The following RARB variants were observed in gnomAD, a reference collection of about 807,000 sequenced individuals.
RARB encodes the protein retinoic acid receptor beta.
A neutral mutation model predicts 51.9 loss-of-function variants in RARB; 17 were observed. That is an observed-to-expected ratio of 0.33 (90% CI 0.22 to 0.49). The LOEUF is 0.49. Ranked by LOEUF, RARB falls within the 20% of genes least tolerant of loss-of-function variation. The pLI is 0.99. For missense variants in RARB, 369 were observed against 550.8 expected (o/e 0.67, Z 3.30); for synonymous variants, 215 against 195.4 (o/e 1.10, Z -0.84).
intron 5 of RARB, among the ~76,000 whole-genome samples, chr3:25,318,111 C>A (rs1272346347): frequency 6.6e-6 from 1 of 152,168 alleles, no homozygotes; most frequent in East Asian, 1.9e-4. Flanking sequence ...ATCTAGTACA[C>A]TTTTTAAATT....
At chr3:24,926,549 A>G (rs974606865) in intron 2 of RARB, among the ~76,000 whole-genome samples, 2 of 152,078 alleles carry the variant, frequency 1.3e-5, no homozygotes, top group African/African-American at 2.4e-5. Flanking sequence ...TTGATGACTT[A>G]TGCTATAGCT....
intron 2 of RARB, among the ~76,000 whole-genome samples, chr3:24,899,133 G>C (rs1703542667): frequency 6.6e-6 from 1 of 152,082 alleles, no homozygotes; most frequent in Admixed American, 6.6e-5. Context: ...TTCGAGGCCT[G>C]GTGCACAATG....
At chr3:25,459,072 T>A (rs962553373) in intron 1 of RARB, among the ~76,000 whole-genome samples, 1 of 152,168 alleles carries the variant, frequency 6.6e-6, no homozygotes, top group African/African-American at 2.4e-5. Context: ...GTATAGGGGA[T>A]GGCAGATGTA....
chr3:25,212,556 T>G (rs1701724238), intron 5 of RARB, among the ~76,000 whole-genome samples: 1 of 152,174 alleles, frequency 6.6e-6, no homozygotes, highest in South Asian at 2.1e-4. Flanking sequence ...AGGCGGAGGT[T>G]GCAGTGAGCT....
chr3:25,022,958 A>G (rs538057903), intron 2 of RARB, among the ~76,000 whole-genome samples: 20 of 152,324 alleles, frequency 1.3e-4, no homozygotes, highest in Admixed American at 1.2e-3. Context: ...ACAGAAGATC[A>G]TCACCAGACC....
In RARB at chr3:25,597,801, GTCTGTGATGTACT is replaced by G. The variant is rs1701938737; in HGVS notation, c.*1187_*1199del. 6.6e-6 allele frequency: 1 copy of G among 151,928 alleles called. No homozygotes were observed. Among genetic ancestry groups the G allele is most frequent in the East Asian group, 1.9e-4 (1 of 5,176 alleles). The allele number at this position is 151,928 out of a possible 1,614,324, so 9.4% of individuals were successfully genotyped here. Reference sequence around the variant, plus strand: ...TTTTTTTTTTTTGATATATTAGCAAGTCTGTGATGTACTTTCACTGGCTCTGTTTGTACATTGA... The same window carrying G: ...TTTTTTTTTTTTGATATATTAGCAAGTTCACTGGCTCTGTTTGTACATTGA... On this transcript the variant is annotated 3_prime_UTR_variant, in exon 8 of 8. Coordinates refer to ENST00000330688, the MANE Select transcript of RARB (RefSeq NM_000965.5).
chr3:25,314,603 G>A (rs1213366755), intron 5 of RARB, among the ~76,000 whole-genome samples: 1 of 152,174 alleles, frequency 6.6e-6, no homozygotes, highest in Non-Finnish European at 1.5e-5. Flanking sequence ...CTAACACCAA[G>A]ACATCAACAA....
chr3:25,153,430 G>T (rs369380872), intron 4 of RARB, among the ~76,000 whole-genome samples: 1 of 151,992 alleles, frequency 6.6e-6, no homozygotes, highest in Non-Finnish European at 1.5e-5. Flanking sequence ...TCGAGTTACC[G>T]CCATAAAGTA....
chr3:25,471,473 G>A (rs376119709), intron 2 of RARB, among the ~76,000 whole-genome samples: 2 of 151,242 alleles, frequency 1.3e-5, no homozygotes, highest in African/African-American at 4.9e-5. Context: ...CTAACAAATT[G>A]AGAACTGATT....
intron 2 of RARB, among the ~76,000 whole-genome samples, chr3:24,909,710 C>A (rs914467625): frequency 6.6e-6 from 1 of 152,012 alleles, no homozygotes; most frequent in Non-Finnish European, 1.5e-5. Flanking sequence ...GTCTTTTAAC[C>A]GTGATGGATT....
chr3:25,022,366 C>G (rs1012109709), intron 2 of RARB, among the ~76,000 whole-genome samples: 1 of 152,126 alleles, frequency 6.6e-6, no homozygotes, highest in Non-Finnish European at 1.5e-5. Context: ...TTTCTTTGCT[C>G]AACATTCCCT....
At chr3:25,161,788 A>G (rs1402414976) in intron 4 of RARB, among the ~76,000 whole-genome samples, 2 of 152,212 alleles carry the variant, frequency 1.3e-5, no homozygotes, top group African/African-American at 4.8e-5. Context: ...TTACAACAAA[A>G]TGTCTTCTAG....
At chr3:25,242,883 A>G (rs541425002) in intron 5 of RARB, among the ~76,000 whole-genome samples, 3 of 152,286 alleles carry the variant, frequency 2.0e-5, no homozygotes, top group Admixed American at 6.5e-5. Context: ...CATTGAATCT[A>G]TCAATTACTT....
At chr3:25,357,977 T>C (rs1327303886) in intron 5 of RARB, among the ~76,000 whole-genome samples, 1 of 152,192 alleles carries the variant, frequency 6.6e-6, no homozygotes, top group Non-Finnish European at 1.5e-5. Context: ...CTTAGGATTG[T>C]CTTGGCTATA....
intron 2 of RARB, among the ~76,000 whole-genome samples, chr3:24,952,494 C>T (rs991364768): frequency 6.6e-6 from 1 of 152,162 alleles, no homozygotes; most frequent in Admixed American, 6.5e-5. Context: ...ACTACCTGCA[C>T]TCCGGCGCTA....
Position 24,887,598 on chromosome 3 carries a change from A to T in RARB, c.-380+28846A>T, listed in dbSNP as rs75348012. ...GAACAATAGTTTTTACACTTACTGT[A>T]ATGAAAGAATAGCTGTAGGCCAGCT... is the stretch of plus-strand genomic sequence containing the variant. On this transcript the variant is annotated intron_variant, in intron 2 of 11. Coordinates refer to the RARB transcript ENST00000383772. Among the ~76,000 whole-genome samples the T allele has an allele frequency of 2.3e-3, 354 of 152,348 alleles. 10 individuals carry two copies. The East Asian group carries it at 0.058, about 25-fold the overall frequency.
intron 4 of RARB, among the ~76,000 whole-genome samples, chr3:25,135,054 C>CTT (rs11455739): frequency 4.3e-4 from 61 of 143,490 alleles, no homozygotes; most frequent in South Asian, 1.3e-3. Context: ...TTCCTTTTCC[C>CTT]TTTTTTTTTT....
chr3:25,475,432 T>C (rs1442697005), intron 2 of RARB, among the ~76,000 whole-genome samples: 3 of 152,150 alleles, frequency 2.0e-5, no homozygotes, highest in Non-Finnish European at 4.4e-5. Flanking sequence ...AAAATCACTA[T>C]AGATAAGTTA....
chr3:25,381,660 T>G (rs1706629326), intron 5 of RARB, among the ~76,000 whole-genome samples: 1 of 152,180 alleles, frequency 6.6e-6, no homozygotes, highest in Non-Finnish European at 1.5e-5. Context: ...GCATATGGAA[T>G]GAAGCTTGAA....
Sources: gnomAD v4.1 joint callset for allele counts (sites outside exome capture counted in the v4.1 genomes callset) on GRCh38, gnomAD v4.1.1 for gene constraint, MANE v1.5 for transcripts, NCBI Gene and HGNC (gene_info 2026-07-23, HGNC 2026-07-21) for gene names.